The following LCOR variants were observed in gnomAD, a reference collection of about 807,000 sequenced individuals.
LCOR encodes ligand-dependent corepressor.
In LCOR, 14 loss-of-function variants were observed where a neutral mutation model predicts 64.4. That is an observed-to-expected ratio of 0.22 (90% confidence interval 0.14 to 0.34). The LOEUF (loss-of-function observed/expected upper bound fraction) is 0.34, where lower values mean the gene tolerates loss of function less well. Ranked by LOEUF, LCOR falls within the 10% of genes least tolerant of loss-of-function variation. The pLI, the probability that LCOR is intolerant of heterozygous loss-of-function variation, is 1.00. For missense variants in LCOR, 1,686 were observed against 1,765.3 expected, an observed-to-expected ratio of 0.96 and a Z score of 0.80; for synonymous variants, 643 against 642.5, an observed-to-expected ratio of 1.00 and a Z score of -0.01.
intron 2 of LCOR, among the ~76,000 whole-genome samples, chr10:96,836,655 C>G (rs952319834): frequency 1.3e-5 from 2 of 152,156 alleles, no homozygotes; most frequent in African/African-American, 2.4e-5. Flanking sequence ...GAAGTGAAAT[C>G]TCTCCCGAGT....
intron 4 of LCOR, among the ~76,000 whole-genome samples, chr10:96,942,805 T>C (rs1465518587): frequency 6.6e-6 from 1 of 152,222 alleles, no homozygotes; most frequent in Non-Finnish European, 1.5e-5. Context: ...TGTGCCAAGA[T>C]ATGTCCCATT....
At chr10:96,870,603 C>T (rs984234266) in intron 2 of LCOR, among the ~76,000 whole-genome samples, 9 of 152,146 alleles carry the variant, frequency 5.9e-5, no homozygotes, top group African/African-American at 1.4e-4. Flanking sequence ...TTTGGAATTA[C>T]GTCATCCTCG....
rs796643815 is a variant in LCOR at position 96,931,230 on chromosome 10, A to AT, written c.-183-12866dup. 5.3e-3 allele frequency among the ~76,000 whole-genome samples: 702 copies of AT among 132,712 alleles called. 5 individuals carry two copies. The highest frequency in any genetic ancestry group is 0.017 in the South Asian group (73 of 4,210). The allele number at this position is 132,712 out of a possible 152,430, so 87.1% of individuals were successfully genotyped here. A position where few individuals can be genotyped will look rare whatever the true frequency, so the allele number is the denominator to read the frequency against. ...GATGGTGACACCACAAAGCACTGGTATTTTTTTTTTTTTTTTTCTTTGAGA... is the reference window on the plus strand; with the variant it reads ...GATGGTGACACCACAAAGCACTGGTATTTTTTTTTTTTTTTTTTCTTTGAGA... On this transcript the variant is annotated intron_variant, in intron 4 of 7. Coordinates refer to ENST00000421806, the MANE Select transcript of LCOR (RefSeq NM_001346516.2).
chr10:96,906,315 G>C (rs1160167336), intron 2 of LCOR, among the ~76,000 whole-genome samples: 1 of 152,184 alleles, frequency 6.6e-6, no homozygotes, highest in Admixed American at 6.5e-5. Context: ...GCCGCACTGA[G>C]AGTGCATATG....
chr10:96,970,598 C>CATTTTATTTTATTTTATTTTATTTTATTT (rs1249321075), intron 7 of LCOR, among the ~76,000 whole-genome samples: 2 of 141,098 alleles, frequency 1.4e-5, no homozygotes, highest in Non-Finnish European at 3.0e-5. Flanking sequence ...TCCTAACCAG[C>CATTTTATTTTATTTTATTTTATTTTATTT]ATTTTATTTT....
At chr10:96,889,007 A>G (rs1177794519) in intron 2 of LCOR, among the ~76,000 whole-genome samples, 7 of 152,272 alleles carry the variant, frequency 4.6e-5, no homozygotes, top group African/African-American at 7.2e-5. Context: ...TTAAAAAACT[A>G]AAATTCACCA....
chr10:96,913,471 A>G (rs1015289079), intron 4 of LCOR, among the ~76,000 whole-genome samples: 1 of 152,196 alleles, frequency 6.6e-6, no homozygotes, highest in African/African-American at 2.4e-5. Context: ...TGGGATAGAG[A>G]TGGCTGTTTG....
intron 2 of LCOR, among the ~76,000 whole-genome samples, chr10:96,854,913 G>A (rs1329024733): frequency 2.0e-5 from 3 of 152,140 alleles, no homozygotes; most frequent in African/African-American, 7.2e-5. Flanking sequence ...TTATATGTGT[G>A]TTTTATCATA....
rs7894545 is a variant in LCOR at position 96,983,230 on chromosome 10, C to G, written c.2770C>G (p.Arg924Gly). ...NMLDKEVKEL[R>G]GEIFPSRDPI... is the part of the protein sequence containing the mutation. The stretch of plus-strand genomic sequence containing the variant: ...GCTGGACAAAGAAGTCAAGGAGTTA[C>G]GAGGAGAGATTTTCCCCAGCAGGGA... Residue 924 changes from arginine to glycine, a missense_variant, in exon 8 of 8, where the codon CGA becomes GGA. Physicochemically the swap from Arg to Gly is moderately radical, Grantham distance 125 (BLOSUM62 -2). This residue lies in a region of LCOR where 1,293 missense variants were observed against 1,410.4 expected (regional missense o/e 0.92). Coordinates refer to ENST00000421806, the MANE Select transcript of LCOR (RefSeq NM_001346516.2). This position sits in a 1 kb window ranked among gnomAD's most constrained non-coding sequence, Gnocchi z 4.5. 1.2e-6 allele frequency: 2 copies of G among 1,614,086 alleles called. No homozygotes were observed. The highest frequency in any genetic ancestry group is 1.7e-6 in the Non-Finnish European group (2 of 1,180,028).
intron 7 of LCOR, among the ~76,000 whole-genome samples, chr10:96,976,487 A>G (rs1848041208): frequency 6.6e-6 from 1 of 152,194 alleles, no homozygotes. Context: ...ATTCCTACCT[A>G]CCTGTGGCTG....
chr10:96,947,556 T>C (rs1450145476), intron 5 of LCOR, among the ~76,000 whole-genome samples: 2 of 152,158 alleles, frequency 1.3e-5, no homozygotes, highest in Non-Finnish European at 2.9e-5. Context: ...ATAGCTAATC[T>C]TTAAAAGACT....
intron 7 of LCOR, among the ~76,000 whole-genome samples, chr10:96,971,964 T>C (rs1848002812): frequency 6.6e-6 from 1 of 152,180 alleles, no homozygotes; most frequent in Non-Finnish European, 1.5e-5. Context: ...AACGTACAGA[T>C]GATTTTATTA....
intron 7 of LCOR, among the ~76,000 whole-genome samples, chr10:96,970,598 C>CATTTTATTTTATTTTATTTT (rs529698846): frequency 3.0e-3 from 425 of 141,096 alleles, no homozygotes; most frequent in Middle Eastern, 7.1e-3. Flanking sequence ...TCCTAACCAG[C>CATTTTATTTTATTTTATTTT]ATTTTATTTT....
intron 4 of LCOR, among the ~76,000 whole-genome samples, chr10:96,920,631 C>T (rs115855024): frequency 0.021 from 2,497 of 117,696 alleles, 313 homozygotes; most frequent in African/African-American, 0.085. Flanking sequence ...TATGTATGTA[C>T]ATTCATATAT....
At chr10:96,898,349 G>A (rs1846577990) in intron 2 of LCOR, among the ~76,000 whole-genome samples, 2 of 152,174 alleles carry the variant, frequency 1.3e-5, no homozygotes, top group East Asian at 3.8e-4. Flanking sequence ...TATGGCCAGA[G>A]CATAGTGTAT....
At chr10:96,939,244 G>A (rs11814116) in intron 4 of LCOR, among the ~76,000 whole-genome samples, 137 of 152,278 alleles carry the variant, frequency 9.0e-4, no homozygotes, top group African/African-American at 3.0e-3. Flanking sequence ...AAAACAGTTC[G>A]TTGGGGGAAA....
intron 2 of LCOR, among the ~76,000 whole-genome samples, chr10:96,858,770 A>C (rs1845842706): frequency 6.6e-6 from 1 of 152,240 alleles, no homozygotes; most frequent in South Asian, 2.1e-4. Context: ...ATATTTTGCT[A>C]TCAGGACCTC....
intron 4 of LCOR, among the ~76,000 whole-genome samples, chr10:96,914,362 T>C (rs1846900204): frequency 6.6e-6 from 1 of 152,150 alleles, no homozygotes; most frequent in African/African-American, 2.4e-5. Context: ...CACACCTGGC[T>C]AATTTGGTAT....
chr10:96,981,110 A>C lies in LCOR; in HGVS notation c.650A>C (p.His217Pro), dbSNP rs1034197782. The stretch of plus-strand genomic sequence containing the variant: ...TCGTCAGACTCTCACAGCCCTCTAC[A>C]CTTGACGGAACAGACCCCGAAGAAG... ...VDSSDSHSPL[H>P]LTEQTPKKPP... The change falls in exon 8 of 8, where the codon CAC (histidine) becomes CCC (proline). Residue 217 changes from histidine to proline, a missense_variant. By Grantham distance (77) the His-to-Pro change is moderately conservative. This residue lies in a region of LCOR where 313 missense variants were observed against 247.2 expected (regional missense o/e 1.27). Coordinates refer to ENST00000421806, the MANE Select transcript of LCOR (RefSeq NM_001346516.2). 1.4e-6 allele frequency: 1 copy of C among 703,352 alleles called. No individual in the cohort carries two copies. The highest frequency in any genetic ancestry group is 1.5e-5 in the South Asian group (1 of 67,608). The allele number at this position is 703,352 out of a possible 1,614,324, so 43.6% of individuals were successfully genotyped here.
Sources: gnomAD v4.1 joint callset for allele counts (sites outside exome capture counted in the v4.1 genomes callset) on GRCh38, gnomAD v4.1.1 for gene constraint, gnomAD v4.1.1 regional missense constraint, Gnocchi (gnomAD v3.1) non-coding constraint, MANE v1.5 for transcripts, NCBI Gene and HGNC (gene_info 2026-07-23, HGNC 2026-07-21) for gene names.